The following FBXW7 variants were observed in gnomAD, a reference collection of about 807,000 sequenced individuals.
FBXW7 encodes F-box/WD repeat-containing protein 7.
Under a neutral mutation model 86.3 loss-of-function variants are expected in FBXW7, and 11 were observed. The ratio of observed to expected loss-of-function variants is 0.13; its 90% confidence interval spans 0.08 to 0.21. The LOEUF (loss-of-function observed/expected upper bound fraction) is 0.21. Ranked by LOEUF, FBXW7 falls within the 10% of genes least tolerant of loss-of-function variation. The pLI, the probability that FBXW7 is intolerant of heterozygous loss-of-function variation, is 1.00. For missense variants in FBXW7, 488 were observed against 847.4 expected (o/e 0.58, Z 5.27); for synonymous variants, 313 against 297.9 (o/e 1.05, Z -0.52).
chr4:152,443,200 TGTG>T (rs1332787501), intron 2 of FBXW7, among the ~76,000 whole-genome samples: 1 of 152,064 alleles, frequency 6.6e-6, no homozygotes, highest in Non-Finnish European at 1.5e-5. Context: ...AGGCGGAGGT[TGTG>T]GTGAGCCGAA....
At chr4:152,398,025 C>CTCTT (rs1736574336) in intron 4 of FBXW7, among the ~76,000 whole-genome samples, 1 of 151,898 alleles carries the variant, frequency 6.6e-6, no homozygotes, top group African/African-American at 2.4e-5. Context: ...CACTCTTTAT[C>CTCTT]TCTTTTTGTT....
At position 152,321,944 on chromosome 4, in the gene FBXW7, G is replaced by A. The variant is rs1056738467; in HGVS notation, c.*937C>T. 2 of 232,768 alleles carry A rather than the reference G, an allele frequency of 8.6e-6. No individual in the cohort carries two copies. The highest frequency in any genetic ancestry group is 8.5e-6 in the Non-Finnish European group (1 of 117,664). The allele number at this position is 232,768 out of a possible 1,614,324, so 14.4% of individuals were successfully genotyped here. ...ACTCTTCCATTCTCAGCCTCTTAGA[G>A]GCACAGATGGCTCAAGTTTCAGTGG... On this transcript the variant is annotated 3_prime_UTR_variant, in exon 14 of 14. Transcript: ENST00000281708.
At chr4:152,497,837 T>C (rs1039669141) in intron 2 of FBXW7, among the ~76,000 whole-genome samples, 2 of 152,162 alleles carry the variant, frequency 1.3e-5, no homozygotes, top group African/African-American at 4.8e-5. Flanking sequence ...TGCCAAAAGG[T>C]AGAACTGCAT....
Position 152,475,502 on chromosome 4 carries a change from C to A in FBXW7, c.-120+59439G>T, listed in dbSNP as rs118163768. Among the ~76,000 whole-genome samples the A allele has an allele frequency of 9.9e-5, 15 of 152,226 alleles. No homozygotes were observed. The East Asian group carries it at 2.9e-3, about 29-fold the overall frequency. ...AAGATGTGTTTTTACCACCTCTATT[C>A]AGCATTGTCCTGGAAAGCTCTAGCA... On this transcript the variant is annotated intron_variant, in intron 2 of 13. Coordinates refer to ENST00000281708, the MANE Select transcript of FBXW7 (RefSeq NM_001349798.2).
intron 2 of FBXW7, among the ~76,000 whole-genome samples, chr4:152,450,123 A>G (rs1018929396): frequency 1.3e-5 from 2 of 152,250 alleles, no homozygotes; most frequent in African/African-American, 4.8e-5. Context: ...TTCACCTTGC[A>G]CTGCCCTTTT....
Position 152,467,210 on chromosome 4 carries a change from G to A in FBXW7, c.-119-54681C>T, listed in dbSNP as rs192365430. On this transcript the variant is annotated intron_variant, in intron 2 of 13. Transcript: ENST00000281708. Reference sequence around the variant, plus strand: ...CAGTGCAAGGTAATCGAATCATGGGGATGATGACCTCCATGCTGTTCTCAT... The same window carrying A: ...CAGTGCAAGGTAATCGAATCATGGGAATGATGACCTCCATGCTGTTCTCAT... Among the ~76,000 whole-genome samples the A allele has an allele frequency of 9.2e-5, 14 of 152,246 alleles. No individual in the cohort carries two copies. The East Asian group carries it at 2.7e-3, about 29-fold the overall frequency.
At chr4:152,431,385 G>C (rs1045791595) in intron 2 of FBXW7, among the ~76,000 whole-genome samples, 8 of 151,946 alleles carry the variant, frequency 5.3e-5, no homozygotes, top group African/African-American at 1.9e-4. Flanking sequence ...AAACAGAACA[G>C]GAAAAAAAAG....
intron 4 of FBXW7, among the ~76,000 whole-genome samples, chr4:152,357,600 G>C (rs1732515991): frequency 6.6e-6 from 1 of 151,950 alleles, no homozygotes. Flanking sequence ...GGATTACAGG[G>C]GTAAGCCACC....
chr4:152,466,413 G>C (rs1301662935), intron 2 of FBXW7, among the ~76,000 whole-genome samples: 2 of 151,992 alleles, frequency 1.3e-5, no homozygotes, highest in Admixed American at 6.6e-5. Flanking sequence ...AAATTAGTCA[G>C]GTTTGGTGGC....
intron 4 of FBXW7, among the ~76,000 whole-genome samples, chr4:152,369,141 T>A (rs893767822): frequency 2.6e-5 from 4 of 152,098 alleles, no homozygotes; most frequent in African/African-American, 9.7e-5. Context: ...ATCAGGAGAA[T>A]TAATTATAAA....
At chr4:152,431,203 C>T (rs995361734) in intron 2 of FBXW7, among the ~76,000 whole-genome samples, 5 of 152,170 alleles carry the variant, frequency 3.3e-5, no homozygotes, top group African/African-American at 1.2e-4. Flanking sequence ...TGTGGATATA[C>T]CTGAGTTTTA....
chr4:152,395,837 A>C (rs960674273), intron 4 of FBXW7, among the ~76,000 whole-genome samples: 1 of 152,038 alleles, frequency 6.6e-6, no homozygotes, highest in African/African-American at 2.4e-5. Context: ...TCTTCCCTAC[A>C]TGATGTCTAG....
chr4:152,424,245 C>T (rs1739183942), intron 2 of FBXW7, among the ~76,000 whole-genome samples: 1 of 152,108 alleles, frequency 6.6e-6, no homozygotes, highest in South Asian at 2.1e-4. Flanking sequence ...TTTTCTACCC[C>T]CACAAGCAGC....
Position 152,535,823 on chromosome 4 carries a change from G to GGGCTCC in FBXW7, c.-915_-910dup, listed in dbSNP as rs2149758252. On this transcript the variant is annotated 5_prime_UTR_variant, in exon 1 of 14. Coordinates refer to ENST00000281708, the MANE Select transcript of FBXW7 (RefSeq NM_001349798.2). ...AAGCCGCCGGCTCCGGCTCAGGCTC[G>GGGCTCC]GGCTCCGGCTCTGGCTCCGGCTCCG... 2 of 392,488 alleles carry GGGCTCC rather than the reference G, an allele frequency of 5.1e-6. No homozygotes were observed. Among genetic ancestry groups the GGGCTCC allele is most frequent in the African/African-American group, 2.1e-5 (1 of 48,256 alleles). The allele number at this position is 392,488 out of a possible 1,614,324, so 24.3% of individuals were successfully genotyped here.
At chr4:152,338,058 G>A in intron 6 of FBXW7, 122 bp from the exon 7 acceptor site, 1 of 823,624 alleles carries the variant, frequency 1.2e-6, no homozygotes, top group Non-Finnish European at 1.7e-6. Flanking sequence ...ATAAAAAGTG[G>A]CTCCTTATAG....
intron 4 of FBXW7, among the ~76,000 whole-genome samples, chr4:152,359,671 G>T (rs564140243): frequency 6.6e-6 from 1 of 152,098 alleles, no homozygotes; most frequent in East Asian, 1.9e-4. Flanking sequence ...GGTGAGGCAA[G>T]AGAATCACTT....
chr4:152,330,691 C>T (rs367801652), intron 9 of FBXW7, 41 bp downstream of exon 9: 495 of 1,592,358 alleles, frequency 3.1e-4, no homozygotes, highest in Non-Finnish European at 4.0e-4. Flanking sequence ...GGTACTAACA[C>T]TGATTAACGG....
rs397995836 is a variant in FBXW7 at position 152,397,695 on chromosome 4, CAAAAAAAAAA to C, written c.501+13598_501+13607del. ...TTCTCATTTCTTTACCCTAAGAAGCCAAAAAAAAAAAAAAAAAAAAAAAAAAAATTGAGGA... is the reference window on the plus strand; with the variant it reads ...TTCTCATTTCTTTACCCTAAGAAGCCAAAAAAAAAAAAAAAAAATTGAGGA... On this transcript the variant is annotated intron_variant, in intron 4 of 13. Transcript: ENST00000281708. 2.0e-3 allele frequency among the ~76,000 whole-genome samples: 118 copies of C among 60,380 alleles called. 1 individual carries two copies. Among genetic ancestry groups the C allele is most frequent in the Admixed American group, 3.1e-3 (16 of 5,226 alleles). The allele number at this position is 60,380 out of a possible 152,430, so 39.6% of individuals were successfully genotyped here. A position where few individuals can be genotyped will look rare whatever the true frequency, so the allele number is the denominator to read the frequency against.
chr4:152,414,240 C>A (rs1021718429), intron 2 of FBXW7, among the ~76,000 whole-genome samples: 6 of 152,242 alleles, frequency 3.9e-5, no homozygotes, highest in Admixed American at 3.9e-4. Flanking sequence ...AGCCTTCCTG[C>A]ACTTCGGAAC....
Sources: allele counts gnomAD v4.1 joint callset (sites outside exome capture counted in the v4.1 genomes callset), GRCh38; gene constraint gnomAD v4.1.1; transcripts MANE v1.5; gene names NCBI Gene and HGNC (gene_info 2026-07-23, HGNC 2026-07-21).